SLC38A11: variants seen among roughly 807,000 people sequenced by gnomAD.
The protein encoded by SLC38A11 is solute carrier family 38 member 11.
Under a neutral mutation model 49.4 loss-of-function variants are expected in SLC38A11, and 51 were observed. The observed-to-expected ratio is 1.03, with a 90% CI of 0.83 to 1.30. The LOEUF is 1.30. Among genes scored for constraint, SLC38A11 ranks in the 50% most tolerant of loss-of-function variants. SLC38A11 has a pLI of 0.00. For missense variants in SLC38A11, 574 were observed against 556.2 expected, an observed-to-expected ratio of 1.03 and a Z score of -0.32; for synonymous variants, 203 against 192.9, an observed-to-expected ratio of 1.05 and a Z score of -0.43.
chr2:164,931,463 AAGGCAATCCT>A (rs1401863357), intron 7 of SLC38A11, among the ~76,000 whole-genome samples: 1 of 152,162 alleles, frequency 6.6e-6, no homozygotes, highest in Non-Finnish European at 1.5e-5. Context: ...CTGAATAGCC[AAGGCAATCCT>A]AGGCAAAAAG....
chr2:164,934,277 G>T (rs149137620), intron 7 of SLC38A11, among the ~76,000 whole-genome samples: 1 of 151,930 alleles, frequency 6.6e-6, no homozygotes, highest in Non-Finnish European at 1.5e-5. Flanking sequence ...AGAAACAAGC[G>T]GAGAATGCAT....
Position 164,944,540 on chromosome 2 carries a change from A to C in SLC38A11, c.430+29T>G, listed in dbSNP as rs1573999900. The C allele has an allele frequency of 3.6e-6, 4 of 1,104,046 alleles. No individual in the cohort carries two copies. The East Asian group carries it at 9.0e-5, about 25-fold the overall frequency. The allele number at this position is 1,104,046 out of a possible 1,614,324, so 68.4% of individuals were successfully genotyped here. A position where few individuals can be genotyped will look rare whatever the true frequency, so the allele number is the denominator to read the frequency against. Reference sequence around the variant, plus strand: ...ATAACTATATAAAATAAATATATTTAAATCCTCACAATTTTTATTTTGGCT... The same window carrying C: ...ATAACTATATAAAATAAATATATTTCAATCCTCACAATTTTTATTTTGGCT... On this transcript the variant is annotated intron_variant, in intron 5 of 11. Coordinates refer to ENST00000685975, the MANE Select transcript of SLC38A11 (RefSeq NM_001351537.2).
chr2:164,921,672 T>C (rs1686215335), intron 7 of SLC38A11, among the ~76,000 whole-genome samples: 1 of 152,062 alleles, frequency 6.6e-6, no homozygotes, highest in East Asian at 1.9e-4. Flanking sequence ...GTTGAATAAA[T>C]GCACATAAAA....
intron 7 of SLC38A11, among the ~76,000 whole-genome samples, chr2:164,919,879 T>C (rs1005820111): frequency 6.6e-6 from 1 of 152,150 alleles, no homozygotes; most frequent in African/African-American, 2.4e-5. Context: ...TAGTATACAG[T>C]ATATACACAG....
chr2:164,903,684 A>T (rs1235519234), intron 11 of SLC38A11, among the ~76,000 whole-genome samples: 1 of 152,188 alleles, frequency 6.6e-6, no homozygotes, highest in South Asian at 2.1e-4. Flanking sequence ...ATAATTTTTG[A>T]AATTGCTTGA....
chr2:164,951,142 A>G (rs1230531863), intron 3 of SLC38A11, among the ~76,000 whole-genome samples: 1 of 152,168 alleles, frequency 6.6e-6, no homozygotes, highest in Admixed American at 6.5e-5. Flanking sequence ...TAGTTTATTT[A>G]TGTATAATAC....
chr2:164,936,001 C>G (rs1687345142), intron 7 of SLC38A11, among the ~76,000 whole-genome samples: 1 of 152,186 alleles, frequency 6.6e-6, no homozygotes, highest in African/African-American at 2.4e-5. Flanking sequence ...ATGCTGGCAT[C>G]CAGATCTCTG....
At position 164,945,658 on chromosome 2, in the gene SLC38A11, T is replaced by C. The variant is rs780531643; in HGVS notation, c.299A>G (p.Asn100Ser). ...ATACCCTGGAAAGCCGAAAGTTTTA[T>C]TGACCAAAGACTGGTAGGTATCTGT... is the stretch of plus-strand genomic sequence containing the variant. Reference protein sequence around the residue: ...SGTDTYQSLVNKTFGFPGYLL... With the variant: ...SGTDTYQSLVSKTFGFPGYLL... The change falls in exon 4 of 12, where the codon AAT becomes AGT. Residue 100 changes from asparagine (N) to serine (S), a missense_variant. By Grantham distance (46) the Asn-to-Ser change is conservative (BLOSUM62 1). Transcript: ENST00000685975. 8.6e-5 allele frequency: 139 copies of C among 1,612,098 alleles called. No individual in the cohort carries two copies. The highest frequency in any genetic ancestry group is 4.9e-4 in the Middle Eastern group (3 of 6,072).
rs1346983456 is a variant in SLC38A11 at position 164,897,440 on chromosome 2, G to T, written c.*997C>A. ...CAGCTTCCCTGTGGATTTGGCTGAGGTCAGCCTGCACTGCAGTTCTACCTC... is the reference window on the plus strand; with the variant it reads ...CAGCTTCCCTGTGGATTTGGCTGAGTTCAGCCTGCACTGCAGTTCTACCTC... On this transcript the variant is annotated 3_prime_UTR_variant, in exon 12 of 12. Transcript: ENST00000685975. 6.6e-6 allele frequency: 1 copy of T among 152,302 alleles called. No homozygotes were observed. The highest frequency in any genetic ancestry group is 2.4e-5 in the African/African-American group (1 of 41,434). 9.4% of individuals were successfully genotyped at this position (152,302 alleles called of 1,614,324 possible). A position where few individuals can be genotyped will look rare whatever the true frequency, so the allele number is the denominator to read the frequency against.
At chr2:164,899,625 T>C (rs1332705911) in intron 11 of SLC38A11, among the ~76,000 whole-genome samples, 1 of 152,172 alleles carries the variant, frequency 6.6e-6, no homozygotes, top group African/African-American at 2.4e-5. Context: ...ACATTAAAAT[T>C]TTATGACAAA....
chr2:164,944,676 C>T (rs1313151674), intron 4 of SLC38A11, 42 bp from the exon 5 acceptor site: 3 of 765,482 alleles, frequency 3.9e-6, no homozygotes, highest in Admixed American at 8.0e-5. Flanking sequence ...TAAGCCATCT[C>T]ATATTTCATC....
chr2:164,901,259 T>G (rs1684632653), intron 11 of SLC38A11, among the ~76,000 whole-genome samples: 1 of 152,118 alleles, frequency 6.6e-6, no homozygotes, highest in African/African-American at 2.4e-5. Flanking sequence ...ATTTTTCTTT[T>G]CAATACTGAT....
intron 10 of SLC38A11, 88 bp downstream of exon 10, chr2:164,911,548 T>G (rs1207262422): frequency 1.7e-6 from 1 of 580,386 alleles, no homozygotes; most frequent in African/African-American, 1.9e-5. Flanking sequence ...CTTGGGAATT[T>G]GCCAAACTGT....
At chr2:164,913,897 A>G (rs1158482566) in intron 9 of SLC38A11, among the ~76,000 whole-genome samples, 1 of 152,050 alleles carries the variant, frequency 6.6e-6, no homozygotes, top group Non-Finnish European at 1.5e-5. Context: ...TTTTGAAGCC[A>G]TCTTTCTTCA....
chr2:164,903,080 A>G (rs1684766789), intron 11 of SLC38A11, among the ~76,000 whole-genome samples: 1 of 152,202 alleles, frequency 6.6e-6, no homozygotes, highest in South Asian at 2.1e-4. Context: ...TAAGTTATGG[A>G]AGATACTGTT....
At position 164,951,841 on chromosome 2, in the gene SLC38A11, C is replaced by T. The variant is rs114986005; in HGVS notation, c.229+866G>A. ...TCCAACTGTACCACACATTGGTCCC[C>T]GTGGAGGCAAGGAGACCCCCTGGAG... On this transcript the variant is annotated intron_variant, in intron 3 of 11. Coordinates refer to ENST00000685975, the MANE Select transcript of SLC38A11 (RefSeq NM_001351537.2). 9.0e-3 allele frequency among the ~76,000 whole-genome samples: 1,376 copies of T among 152,204 alleles called. 27 individuals carry two copies. Among genetic ancestry groups the T allele is most frequent in the African/African-American group, 0.031 (1,271 of 41,528 alleles).
chr2:164,910,457 T>TA lies in SLC38A11; in HGVS notation c.963+1178dup, dbSNP rs201105947. Among the ~76,000 whole-genome samples, 439 of 151,658 alleles carry TA rather than the reference T, an allele frequency of 2.9e-3. 6 individuals are homozygous for TA. The Middle Eastern group carries it at 0.031, about 11-fold the overall frequency. On this transcript the variant is annotated intron_variant, in intron 10 of 11. Transcript: ENST00000685975. ...TAAAGTTTCGAAAGGCTCTTAAATT[T>TA]AAAAAAAAATTAGTTCAGTCTATTT... is the stretch of plus-strand genomic sequence containing the variant.
intron 5 of SLC38A11, among the ~76,000 whole-genome samples, chr2:164,942,229 G>A (rs1488267597): frequency 1.3e-5 from 2 of 151,854 alleles, no homozygotes; most frequent in Admixed American, 6.6e-5. Context: ...TGGGCAGATC[G>A]TTTGAGCTCA....
intron 11 of SLC38A11, among the ~76,000 whole-genome samples, chr2:164,907,336 C>G (rs1412826989): frequency 3.0e-5 from 4 of 133,092 alleles, no homozygotes; most frequent in African/African-American, 1.1e-4. Context: ...TGCAGTGGTG[C>G]CATCTCAGCT....
Sources: gnomAD v4.1 joint callset for allele counts (sites outside exome capture counted in the v4.1 genomes callset) on GRCh38, gnomAD v4.1.1 for gene constraint, MANE v1.5 for transcripts, NCBI Gene and HGNC (gene_info 2026-07-23, HGNC 2026-07-21) for gene names.